Variants in GTF3C3 observed in about 807,000 individuals in gnomAD.
GTF3C3 encodes general transcription factor IIIC subunit 3.
A neutral mutation model predicts 105.2 loss-of-function variants in GTF3C3; 75 were observed. The ratio of observed to expected loss-of-function variants is 0.71; its 90% CI spans 0.59 to 0.86. GTF3C3 has a LOEUF of 0.86. Ranked by LOEUF, GTF3C3 falls within the 40% of genes least tolerant of loss-of-function variation. GTF3C3 has a pLI of 0.00. For missense variants in GTF3C3, 856 were observed against 1,076.5 expected, an observed-to-expected ratio of 0.80 and a Z score of 2.87; for synonymous variants, 335 against 370.4, an observed-to-expected ratio of 0.90 and a Z score of 1.10.
At position 196,764,423 on chromosome 2, in the gene GTF3C3, T is replaced by A. The variant is rs1699023066; in HGVS notation, c.*140A>T. The A allele has an allele frequency of 1.3e-6, 1 of 745,806 alleles. No individual in the cohort carries two copies. Among genetic ancestry groups the A allele is most frequent in the East Asian group, 2.7e-5 (1 of 37,602 alleles). The allele number at this position is 745,806 out of a possible 1,614,324, so 46.2% of individuals were successfully genotyped here. A position where few individuals can be genotyped will look rare whatever the true frequency, so the allele number is the denominator to read the frequency against. On this transcript the variant is annotated 3_prime_UTR_variant, in exon 18 of 18. Coordinates refer to ENST00000263956, the MANE Select transcript of GTF3C3 (RefSeq NM_012086.5). ...TATATACCACAAGATCATTATCACATATTAAAAATAAATACACTGTTTGTT... is the reference window on the plus strand; with the variant it reads ...TATATACCACAAGATCATTATCACAAATTAAAAATAAATACACTGTTTGTT...
chr2:196,793,247 A>T, intron 2 of GTF3C3, 95 bp from the exon 3 acceptor site: 2 of 851,386 alleles, frequency 2.3e-6, no homozygotes, highest in South Asian at 1.9e-5. Context: ...TTACCCCAGT[A>T]ACACCAAATT....
rs1357998106 is a variant in GTF3C3, at chr2:196,768,074, G to A, written c.2386-1357C>T. On this transcript the variant is annotated intron_variant, in intron 16 of 17. Coordinates refer to ENST00000263956, the MANE Select transcript of GTF3C3 (RefSeq NM_012086.5). The stretch of plus-strand genomic sequence containing the variant: ...TCTTGCTCTATCACACAGGAGTGCA[G>A]TGGTGTGATCTCAGCTCATTGCAAC... Among the ~76,000 whole-genome samples the A allele has an allele frequency of 2.0e-5, 3 of 152,204 alleles. No homozygotes were observed. The East Asian group carries it at 5.8e-4, about 29-fold the overall frequency.
At chr2:196,767,383 T>C (rs1699086742) in intron 16 of GTF3C3, among the ~76,000 whole-genome samples, 2 of 152,200 alleles carry the variant, frequency 1.3e-5, no homozygotes, top group African/African-American at 4.8e-5. Context: ...AGCTTCAGCT[T>C]TTATCATTCA....
intron 15 of GTF3C3, among the ~76,000 whole-genome samples, chr2:196,770,535 T>C (rs1444130652): frequency 6.6e-6 from 1 of 152,234 alleles, no homozygotes; most frequent in East Asian, 1.9e-4. Flanking sequence ...ATTATTTGTT[T>C]TTTCTGAGAA....
At chr2:196,785,649 C>T in intron 6 of GTF3C3, 61 bp from the exon 7 acceptor site, 1 of 969,296 alleles carries the variant, frequency 1.0e-6, no homozygotes, top group Non-Finnish European at 1.6e-6. Flanking sequence ...AACTCATTTC[C>T]TTGCTTAGGC....
intron 5 of GTF3C3, 41 bp downstream of exon 5, chr2:196,789,838 A>G (rs981582421): frequency 4.8e-6 from 6 of 1,239,340 alleles, no homozygotes; most frequent in Non-Finnish European, 6.7e-6. Context: ...CCTATTATGT[A>G]ACAGCTTGTA....
chr2:196,798,862 C>CAAAAAAAAA lies in GTF3C3; in HGVS notation c.102+639_102+647dup, dbSNP rs71410624. Reference sequence around the variant, plus strand: ...GGGCAACAAGAGCGAAACTCCGTCTCAAAAAAAAAAAAAAAAAAAGAATCT... The same window carrying CAAAAAAAAA: ...GGGCAACAAGAGCGAAACTCCGTCTCAAAAAAAAAAAAAAAAAAAAAAAAAAAAGAATCT... On this transcript the variant is annotated intron_variant, in intron 1 of 17. Transcript: ENST00000263956. Among the ~76,000 whole-genome samples, 3 of 83,764 alleles carry CAAAAAAAAA rather than the reference C, an allele frequency of 3.6e-5. 1 individual carries two copies. Among genetic ancestry groups the CAAAAAAAAA allele is most frequent in the African/African-American group, 8.5e-5 (2 of 23,488 alleles). The allele number at this position is 83,764 out of a possible 152,430, so 55.0% of individuals were successfully genotyped here.
intron 6 of GTF3C3, 99 bp downstream of exon 6, chr2:196,789,105 T>C (rs1239777767): frequency 9.6e-7 from 1 of 1,040,536 alleles, no homozygotes; most frequent in African/African-American, 1.6e-5. Context: ...AAAACACTTC[T>C]TGAACTTCAA....
chr2:196,789,756 C>T (rs1699514581), intron 5 of GTF3C3, 123 bp downstream of exon 5: 1 of 624,220 alleles, frequency 1.6e-6, no homozygotes, highest in African/African-American at 1.9e-5. Context: ...ACCTCTAGAG[C>T]AACACACAAT....
chr2:196,789,359 A>C lies in GTF3C3; in HGVS notation c.738T>G (p.Tyr246Ter). 6.3e-7 allele frequency: 1 copy of C among 1,593,876 alleles called. No homozygotes were observed. ...AIFCYTKALKYEPTNVRYLWE... is the reference protein window; with the variant it reads ...AIFCYTKALK ...ACAGATAACGGACATTAGTAGGTTC[A>C]TATTTAAGAGCTAAAAAGAAAGAAA... is the stretch of plus-strand genomic sequence containing the variant. Residue 246 changes from tyrosine (Y) to a stop codon, truncating the protein, a stop_gained, in exon 6 of 18, where the codon TAT (tyrosine) becomes TAG (stop). Transcript: ENST00000263956. LOFTEE classifies it high-confidence loss of function.
rs144622709 is a variant in GTF3C3 at position 196,772,280 on chromosome 2, G to A, written c.2070-342C>T. Among the ~76,000 whole-genome samples, 174 of 152,258 alleles carry A rather than the reference G, an allele frequency of 1.1e-3. No individual in the cohort carries two copies. In the East Asian group the frequency reaches 0.019, roughly 17 times the overall value. On this transcript the variant is annotated intron_variant, in intron 14 of 17. Transcript: ENST00000263956. ...TCATAATATTTGCCAGGCATTGGCC[G>A]GGCACCGTGGCTCACGCCTGTAATC...
Position 196,764,490 on chromosome 2 carries a change from T to C in GTF3C3, c.*73A>G. 1 of 1,343,438 alleles carries C rather than the reference T, an allele frequency of 7.4e-7. No individual in the cohort carries two copies. Among genetic ancestry groups the C allele is most frequent in the Non-Finnish European group, 1.0e-6 (1 of 999,854 alleles). 83.2% of individuals were successfully genotyped at this position (1,343,438 alleles called of 1,614,324 possible). ...GTCATTTCTATTTTGGAGTTACAAATAATAAGCCCTGAGACAGAAGACACT... is the reference window on the plus strand; with the variant it reads ...GTCATTTCTATTTTGGAGTTACAAACAATAAGCCCTGAGACAGAAGACACT... On this transcript the variant is annotated 3_prime_UTR_variant, in exon 18 of 18. Transcript: ENST00000263956.
chr2:196,783,799 G>A (rs988621284), intron 8 of GTF3C3, among the ~76,000 whole-genome samples: 1 of 152,188 alleles, frequency 6.6e-6, no homozygotes, highest in Middle Eastern at 3.4e-3. Context: ...TCTTAAAACT[G>A]TATGCACCTC....
chr2:196,785,489 T>C lies in GTF3C3; in HGVS notation c.993A>G (p.Ile331Met), dbSNP rs1172213715. ...QGLVSMEDVN[I>M]AAELYISNKQ... Reference sequence around the variant, plus strand: ...TGTTAGAAATATATAGTTCAGCTGCTATGTTAACATCTTCCATGGAGACTA... The same window carrying C: ...TGTTAGAAATATATAGTTCAGCTGCCATGTTAACATCTTCCATGGAGACTA... The change falls in exon 7 of 18, where the codon ATA (isoleucine) becomes ATG (methionine). Residue 331 changes from isoleucine to methionine, a missense_variant. By Grantham distance (10) the Ile-to-Met change is conservative (BLOSUM62 1). Coordinates refer to ENST00000263956, the MANE Select transcript of GTF3C3 (RefSeq NM_012086.5). The C allele has an allele frequency of 4.3e-6, 7 of 1,610,404 alleles. No individual in the cohort carries two copies. Among genetic ancestry groups the C allele is most frequent in the South Asian group, 2.2e-5 (2 of 90,844 alleles).
Position 196,789,889 on chromosome 2 carries a change from G to T in GTF3C3, c.717C>A (p.Cys239Ter). The change falls in exon 5 of 18, where the codon TGC becomes TGA. Residue 239 changes from cysteine (C) to a stop codon, truncating the protein, a stop_gained. Coordinates refer to ENST00000263956, the MANE Select transcript of GTF3C3 (RefSeq NM_012086.5). LOFTEE classifies it high-confidence loss of function. ...AAAAATTTTAATTACCTTTTGTATA[G>T]CAAAAAATAGCCTGCTTAATATTGT... ...EQDNIKQAIF[C>*]YTKALKYEPT... 1 of 1,562,082 alleles carries T rather than the reference G, an allele frequency of 6.4e-7. No homozygotes were observed.
chr2:196,770,388 A>T (rs1032681034), intron 15 of GTF3C3, among the ~76,000 whole-genome samples: 2 of 152,086 alleles, frequency 1.3e-5, no homozygotes, highest in Non-Finnish European at 2.9e-5. Context: ...AGAATGGAGG[A>T]GGTGTGTTTT....
chr2:196,792,263 C>A (rs1699562709), intron 3 of GTF3C3, among the ~76,000 whole-genome samples: 1 of 152,112 alleles, frequency 6.6e-6, no homozygotes, highest in East Asian at 1.9e-4. Context: ...GCTCAAGCAT[C>A]CTCCCACCTC....
Position 196,766,577 on chromosome 2 carries a change from T to C in GTF3C3, c.2526A>G (p.Pro842=). ...AAATGCACAATACCTCTACCACAAGTGGAGGGAGCTCCAGGGCCTTCTGAT... is the reference window on the plus strand; with the variant it reads ...AAATGCACAATACCTCTACCACAAGCGGAGGGAGCTCCAGGGCCTTCTGAT... ...HYYQKALELP[P]LVVEGIELDQ... is the part of the protein sequence containing the mutation. Residue 842 remains proline (P), a synonymous_variant, in exon 17 of 18, where the codon CCA becomes CCG. Coordinates refer to ENST00000263956, the MANE Select transcript of GTF3C3 (RefSeq NM_012086.5). The C allele has an allele frequency of 1.2e-6, 2 of 1,610,246 alleles. No homozygotes were observed. Among genetic ancestry groups the C allele is most frequent in the African/African-American group, 1.3e-5 (1 of 74,918 alleles).
intron 8 of GTF3C3, among the ~76,000 whole-genome samples, chr2:196,781,357 A>AAAAAAAAAATATATAT: frequency 5.3e-5 from 1 of 18,822 alleles, no homozygotes; most frequent in African/African-American, 1.0e-4. Context: ...AAAAAAAAAA[A>AAAAAAAAAATATATAT]ATATATATAT....
Sources: allele counts gnomAD v4.1 joint callset (sites outside exome capture counted in the v4.1 genomes callset), GRCh38; gene constraint gnomAD v4.1.1; transcripts MANE v1.5; gene names NCBI Gene and HGNC (gene_info 2026-07-23, HGNC 2026-07-21).